Variants in GALNT13 observed in about 807,000 individuals in gnomAD.
GALNT13 encodes polypeptide N-acetylgalactosaminyltransferase 13.
Under a neutral mutation model 64.2 loss-of-function variants are expected in GALNT13, and 28 were observed. The observed-to-expected ratio is 0.44, with a 90% CI of 0.32 to 0.60. The LOEUF (loss-of-function observed/expected upper bound fraction) is 0.60. Ranked by LOEUF, GALNT13 falls within the 20% of genes least tolerant of loss-of-function variation. The pLI is 0.05. For synonymous variants in GALNT13, 214 were observed against 224.6 expected, an observed-to-expected ratio of 0.95 and a Z score of 0.42; for missense variants, 577 against 669.8, an observed-to-expected ratio of 0.86 and a Z score of 1.53.
chr2:153,422,156 A>G, the GALNT13 span, among the ~76,000 whole-genome samples: 1 of 152,248 alleles, frequency 6.6e-6, no homozygotes, highest in Non-Finnish European at 1.5e-5. Flanking sequence ...ATGATAATGC[A>G]AATGCTGTAA....
At chr2:154,079,942 A>G (rs1312076384) in intron 3 of GALNT13, among the ~76,000 whole-genome samples, 2 of 151,680 alleles carry the variant, frequency 1.3e-5, no homozygotes, top group East Asian at 3.9e-4. Context: ...TTTATTTTTT[A>G]TATAGTTCTT....
At chr2:153,381,987 C>G in the GALNT13 span, among the ~76,000 whole-genome samples, 1 of 151,930 alleles carries the variant, frequency 6.6e-6, no homozygotes, top group African/African-American at 2.4e-5. Context: ...TTCCATATAG[C>G]TAATGGCAAA....
chr2:154,373,525 T>C (rs898657072), intron 9 of GALNT13, among the ~76,000 whole-genome samples: 2 of 152,304 alleles, frequency 1.3e-5, no homozygotes, highest in South Asian at 2.1e-4. Context: ...CAAAAAGATA[T>C]ATTATTTGTT....
At chr2:154,192,094 G>GCT in intron 4 of GALNT13, among the ~76,000 whole-genome samples, 1 of 152,294 alleles carries the variant, frequency 6.6e-6, no homozygotes, top group East Asian at 1.9e-4. Context: ...CAGCAGCCAG[G>GCT]CTCTCCTCCA....
chr2:154,105,712 G>C (rs1702579324), intron 3 of GALNT13, among the ~76,000 whole-genome samples: 1 of 152,162 alleles, frequency 6.6e-6, no homozygotes, highest in South Asian at 2.1e-4. Context: ...AATCAAGACA[G>C]TGCTATCCCT....
intron 4 of GALNT13, among the ~76,000 whole-genome samples, chr2:154,193,512 T>C (rs138102907): frequency 1.3e-5 from 2 of 152,272 alleles, no homozygotes; most frequent in Non-Finnish European, 2.9e-5. Context: ...GTTGAAAGTT[T>C]TTATTTCTCT....
intron 9 of GALNT13, among the ~76,000 whole-genome samples, chr2:154,310,190 A>G (rs1415894312): frequency 2.0e-5 from 3 of 152,126 alleles, no homozygotes; most frequent in Non-Finnish European, 2.9e-5. Flanking sequence ...AATTTCCCTA[A>G]TGTAGCATTT....
chr2:153,657,780 G>C, the GALNT13 span, among the ~76,000 whole-genome samples: 1 of 152,080 alleles, frequency 6.6e-6, no homozygotes, highest in Non-Finnish European at 1.5e-5. Flanking sequence ...GCATATGTTT[G>C]AGAACAACTT....
the GALNT13 span, among the ~76,000 whole-genome samples, chr2:153,686,504 T>C: frequency 6.6e-6 from 1 of 152,084 alleles, no homozygotes; most frequent in Non-Finnish European, 1.5e-5. Context: ...TCCTGAGACT[T>C]TGCTGAAGTT....
At chr2:153,631,625 G>C in the GALNT13 span, among the ~76,000 whole-genome samples, 1 of 152,142 alleles carries the variant, frequency 6.6e-6, no homozygotes, top group Non-Finnish European at 1.5e-5. Context: ...AGAAGTGTCT[G>C]TTCATATCCT....
At chr2:153,888,148 A>C (rs1199477255) in intron 1 of GALNT13, among the ~76,000 whole-genome samples, 2 of 151,994 alleles carry the variant, frequency 1.3e-5, no homozygotes, top group Admixed American at 6.6e-5. Context: ...CCTTCATAAT[A>C]ACTTGTGCAA....
chr2:154,439,435 A>C, intron 12 of GALNT13, among the ~76,000 whole-genome samples: 1 of 152,054 alleles, frequency 6.6e-6, no homozygotes, highest in East Asian at 1.9e-4. Flanking sequence ...TTCTTTTTTG[A>C]TTAACAAAAT....
the GALNT13 span, among the ~76,000 whole-genome samples, chr2:153,581,380 T>C: frequency 5.9e-5 from 9 of 152,246 alleles, no homozygotes; most frequent in South Asian, 1.2e-3. Flanking sequence ...CCACGGTTAT[T>C]TTATTAGCAA....
intron 3 of GALNT13, among the ~76,000 whole-genome samples, chr2:154,060,036 G>C (rs981583363): frequency 6.6e-6 from 1 of 152,094 alleles, no homozygotes; most frequent in African/African-American, 2.4e-5. Context: ...AATAATAAAG[G>C]TAGGGCCCCT....
chr2:153,150,685 A>C, the GALNT13 span, among the ~76,000 whole-genome samples: 10 of 152,210 alleles, frequency 6.6e-5, no homozygotes, highest in African/African-American at 2.4e-4. Context: ...TCAGCTTTCT[A>C]CATATGGCTA....
intron 4 of GALNT13, among the ~76,000 whole-genome samples, chr2:154,220,593 T>A (rs539729174): frequency 5.3e-5 from 8 of 152,216 alleles, no homozygotes; most frequent in Admixed American, 5.2e-4. Context: ...TTAACTTACA[T>A]ATTTATATTA....
At chr2:154,401,063 G>A (rs114636289) in intron 10 of GALNT13, among the ~76,000 whole-genome samples, 369 of 152,222 alleles carry the variant, frequency 2.4e-3, no homozygotes, top group African/African-American at 8.3e-3. Context: ...AAGATGTTTC[G>A]ACATTAGCAT....
At chr2:153,672,560 G>C in the GALNT13 span, among the ~76,000 whole-genome samples, 1 of 152,248 alleles carries the variant, frequency 6.6e-6, no homozygotes, top group Non-Finnish European at 1.5e-5. Flanking sequence ...GCAGTGTGTA[G>C]GGGGAAATTT....
At chr2:154,123,554 A>G (rs1682081360) in intron 3 of GALNT13, among the ~76,000 whole-genome samples, 1 of 152,000 alleles carries the variant, frequency 6.6e-6, no homozygotes, top group Admixed American at 6.6e-5. Flanking sequence ...TAACATGGCT[A>G]AAATTAGAAT....
Sources: gnomAD v4.1 joint callset for allele counts (sites outside exome capture counted in the v4.1 genomes callset) on GRCh38, gnomAD v4.1.1 for gene constraint, MANE v1.5 for transcripts, NCBI Gene and HGNC (gene_info 2026-07-23, HGNC 2026-07-21) for gene names.